DENND2B: variants seen among roughly 807,000 people sequenced by gnomAD.
DENND2B encodes the protein DENN domain containing 2B.
In DENND2B, 32 loss-of-function variants were observed where a neutral mutation model predicts 116.0. The ratio of observed to expected loss-of-function variants is 0.28; its 90% CI spans 0.21 to 0.37. The LOEUF (loss-of-function observed/expected upper bound fraction) is 0.37. Ranked by LOEUF, DENND2B falls within the 10% of genes least tolerant of loss-of-function variation. DENND2B has a pLI of 1.00. For synonymous variants in DENND2B, 588 were observed against 583.9 expected, an observed-to-expected ratio of 1.01 and a Z score of -0.10; for missense variants, 1,276 against 1,477.7, an observed-to-expected ratio of 0.86 and a Z score of 2.24.
In DENND2B at chr11:8,867,431, G is replaced by A. The variant is rs560623558; in HGVS notation, c.-250+3523C>T. On this transcript the variant is annotated intron_variant, in intron 2 of 6. Transcript: ENST00000524757. Reference sequence around the variant, plus strand: ...TTTCCTATCCCTTCTAAATCCCCACGCAGGAACTCTACAAAGGCCTCCTGT... The same window carrying A: ...TTTCCTATCCCTTCTAAATCCCCACACAGGAACTCTACAAAGGCCTCCTGT... Among the ~76,000 whole-genome samples, 13 of 152,086 alleles carry A rather than the reference G, an allele frequency of 8.5e-5. No individual in the cohort carries two copies. The South Asian group carries it at 1.7e-3, about 19-fold the overall frequency.
chr11:8,832,268 C>T (rs542261365), intron 4 of DENND2B, among the ~76,000 whole-genome samples: 28 of 152,174 alleles, frequency 1.8e-4, no homozygotes, highest in African/African-American at 5.3e-4. Flanking sequence ...CTGGCCAACA[C>T]GGTGAAACCC....
At chr11:8,882,903 T>C (rs1477997846) in intron 1 of DENND2B, among the ~76,000 whole-genome samples, 1 of 152,124 alleles carries the variant, frequency 6.6e-6, no homozygotes. Context: ...TGGAAGGATC[T>C]CTTGAGCCTA....
intron 4 of DENND2B, chr11:8,831,680 A>C (rs2062212855): frequency 6.6e-6 from 1 of 152,194 alleles, no homozygotes; most frequent in South Asian, 2.1e-4. Flanking sequence ...CGAGCAACAC[A>C]GCAAGACCCT....
intron 2 of DENND2B, among the ~76,000 whole-genome samples, chr11:8,733,846 C>T (rs1565776293): frequency 6.6e-6 from 1 of 152,210 alleles, no homozygotes; most frequent in Non-Finnish European, 1.5e-5. Flanking sequence ...CAATGCCTAC[C>T]CTGCTTCAAC....
At chr11:8,860,034 A>G (rs1409159612) in intron 2 of DENND2B, among the ~76,000 whole-genome samples, 1 of 152,202 alleles carries the variant, frequency 6.6e-6, no homozygotes, top group Non-Finnish European at 1.5e-5. Flanking sequence ...GAGCATCAAA[A>G]CTTAGGAAGA....
chr11:8,724,273 G>A (rs1411340099), intron 4 of DENND2B, among the ~76,000 whole-genome samples: 1 of 151,648 alleles, frequency 6.6e-6, no homozygotes, highest in Non-Finnish European at 1.5e-5. Context: ...TCCAGCCTGG[G>A]TGACAGAGCG....
chr11:8,805,778 T>C (rs2060783870), intron 1 of DENND2B, among the ~76,000 whole-genome samples: 4 of 152,102 alleles, frequency 2.6e-5, no homozygotes, highest in African/African-American at 7.2e-5. Context: ...ACAACGTCTA[T>C]TATAACATGA....
Position 8,730,494 on chromosome 11 carries a change from T to G in DENND2B, c.796A>C (p.Ser266Arg). Residue 266 changes from serine to arginine, a missense_variant, in exon 3 of 20, where the codon AGC becomes CGC. Transcript: ENST00000313726. This position sits in a 1 kb window ranked among gnomAD's most constrained non-coding sequence, Gnocchi z 4.1. The part of the protein sequence containing the change: ...LEKRLGRSEP[S>R]AFLRGHGSRK... ...CTGCCATGCCCCCTGAGGAAGGCGC[T>G]GGGCTCACTCCGGCCCAGCCGTTTC... 6.2e-7 allele frequency: 1 copy of G among 1,612,384 alleles called. No homozygotes were observed. The highest frequency in any genetic ancestry group is 1.6e-4 in the Middle Eastern group (1 of 6,062).
intron 1 of DENND2B, among the ~76,000 whole-genome samples, chr11:8,907,112 A>G (rs2064248778): frequency 6.6e-6 from 1 of 152,224 alleles, no homozygotes; most frequent in African/African-American, 2.4e-5. Context: ...GACCTCTTCC[A>G]ACGCATCTCC....
chr11:8,708,739 G>A (rs1263495517), intron 11 of DENND2B, among the ~76,000 whole-genome samples: 2 of 152,174 alleles, frequency 1.3e-5, no homozygotes, highest in Non-Finnish European at 2.9e-5. Context: ...ATCACCTGAG[G>A]TTGGGAGTTC....
chr11:8,893,690 G>T (rs1340957033), intron 1 of DENND2B, among the ~76,000 whole-genome samples: 7 of 152,150 alleles, frequency 4.6e-5, no homozygotes, highest in Non-Finnish European at 8.8e-5. Flanking sequence ...CAACTTACAA[G>T]GGATGTGAAG....
chr11:8,779,864 T>C (rs2058198799), intron 1 of DENND2B, among the ~76,000 whole-genome samples: 1 of 152,188 alleles, frequency 6.6e-6, no homozygotes, highest in Admixed American at 6.5e-5. Flanking sequence ...TTGCATGTCA[T>C]GGAATGCAGC....
At chr11:8,704,172 T>G (rs2042193735) in intron 13 of DENND2B, among the ~76,000 whole-genome samples, 1 of 152,176 alleles carries the variant, frequency 6.6e-6, no homozygotes, top group Admixed American at 6.5e-5. Flanking sequence ...GCTGAGTAGT[T>G]ACAGCCTGGG....
intron 1 of DENND2B, among the ~76,000 whole-genome samples, chr11:8,892,413 C>A (rs551574018): frequency 6.6e-6 from 1 of 151,848 alleles, no homozygotes; most frequent in Non-Finnish European, 1.5e-5. Context: ...GAACTGAAGG[C>A]GACAGAGACA....
chr11:8,707,672 C>G lies in DENND2B; in HGVS notation c.2430+105G>C, dbSNP rs569535326. ...ACTTGTTCCTGCATTCTGTCTCCCG[C>G]TCGCTCACAGTCACAGGTGGTTTTC... is the stretch of plus-strand genomic sequence containing the variant. On this transcript the variant is annotated intron_variant, in intron 12 of 19. Coordinates refer to ENST00000313726, the MANE Select transcript of DENND2B (RefSeq NM_213618.2). This position sits in a 1 kb window ranked among gnomAD's most constrained non-coding sequence, Gnocchi z 4.8. 211 of 1,095,712 alleles carry G rather than the reference C, an allele frequency of 1.9e-4. 2 individuals are homozygous for G. In the South Asian group the frequency reaches 2.8e-3, roughly 14 times the overall value. 67.9% of individuals were successfully genotyped at this position (1,095,712 alleles called of 1,614,324 possible).
intron 2 of DENND2B, among the ~76,000 whole-genome samples, chr11:8,741,064 A>T (rs935041277): frequency 6.6e-6 from 1 of 152,232 alleles, no homozygotes; most frequent in African/African-American, 2.4e-5. Context: ...CTCCCAAAGC[A>T]AGCATCTCAA....
intron 1 of DENND2B, among the ~76,000 whole-genome samples, chr11:8,791,765 C>CAAAA (rs3055911): frequency 2.7e-5 from 4 of 147,360 alleles, no homozygotes; most frequent in East Asian, 2.0e-4. Context: ...GACCCTATCT[C>CAAAA]AAAAAAAAAA....
At chr11:8,855,719 A>G (rs926933727) in intron 3 of DENND2B, among the ~76,000 whole-genome samples, 2 of 152,086 alleles carry the variant, frequency 1.3e-5, no homozygotes, top group African/African-American at 2.4e-5. Flanking sequence ...TCATCAGGGA[A>G]GTGCTGTCCT....
chr11:8,841,782 G>C (rs2062631792), intron 3 of DENND2B, among the ~76,000 whole-genome samples: 1 of 152,160 alleles, frequency 6.6e-6, no homozygotes, highest in Non-Finnish European at 1.5e-5. Context: ...ACATGACATG[G>C]CACAAAATTC....
Sources: gnomAD v4.1 joint callset for allele counts (sites outside exome capture counted in the v4.1 genomes callset) on GRCh38, gnomAD v4.1.1 for gene constraint, Gnocchi (gnomAD v3.1) non-coding constraint, MANE v1.5 for transcripts, NCBI Gene and HGNC (gene_info 2026-07-23, HGNC 2026-07-21) for gene names.